Variants in PTPRD observed in about 807,000 individuals in gnomAD.
PTPRD encodes the protein protein tyrosine phosphatase receptor type D.
PTPRD carries 34 observed loss-of-function variants against 214.5 expected under a neutral mutation model. The observed-to-expected ratio is 0.16, with a 90% CI of 0.12 to 0.21. The LOEUF is 0.21. Among genes scored for constraint, PTPRD ranks in the 10% least tolerant of loss-of-function variants. The pLI, the probability that PTPRD is intolerant of heterozygous loss-of-function variation, is 1.00. For synonymous variants in PTPRD, 1,128 were observed against 845.7 expected (o/e 1.33, Z -5.79); for missense variants, 2,545 against 2,398.7 (o/e 1.06, Z -1.27).
intron 7 of PTPRD, among the ~76,000 whole-genome samples, chr9:9,649,229 C>T (rs915487687): frequency 6.6e-6 from 1 of 152,194 alleles, no homozygotes; most frequent in Non-Finnish European, 1.5e-5. Flanking sequence ...GCAGAATAAA[C>T]TGAAAATTCC....
intron 9 of PTPRD, among the ~76,000 whole-genome samples, chr9:9,371,455 A>T (rs974344954): frequency 1.8e-4 from 28 of 151,718 alleles, no homozygotes; most frequent in African/African-American, 6.3e-4. Flanking sequence ...GATCGGTGGT[A>T]ATATCCCCTT....
At chr9:10,379,282 T>G (rs946279367) in intron 2 of PTPRD, among the ~76,000 whole-genome samples, 2 of 151,676 alleles carry the variant, frequency 1.3e-5, no homozygotes, top group Admixed American at 1.3e-4. Flanking sequence ...ATTAGGTTTT[T>G]CCAAATATAA....
intron 5 of PTPRD, among the ~76,000 whole-genome samples, chr9:9,933,860 G>C (rs1032214790): frequency 6.7e-6 from 1 of 149,230 alleles, no homozygotes; most frequent in Non-Finnish European, 1.5e-5. Context: ...TAAAAGAACA[G>C]AAATTATAAC....
chr9:10,172,520 T>C (rs1391357450), intron 3 of PTPRD, among the ~76,000 whole-genome samples: 1 of 152,220 alleles, frequency 6.6e-6, no homozygotes, highest in Non-Finnish European at 1.5e-5. Flanking sequence ...TTTCTATCCA[T>C]AATTCTCCAT....
At chr9:10,145,076 C>T (rs2099013187) in intron 3 of PTPRD, among the ~76,000 whole-genome samples, 2 of 151,884 alleles carry the variant, frequency 1.3e-5, no homozygotes, top group African/African-American at 2.4e-5. Flanking sequence ...TATTCAGTAT[C>T]CCCCCACGAA....
At position 8,706,057 on chromosome 9, in the gene PTPRD, T is replaced by C. The variant is rs2098200194; in HGVS notation, c.64+27723A>G. Among the ~76,000 whole-genome samples the C allele has an allele frequency of 2.6e-5, 4 of 152,088 alleles. No individual in the cohort carries two copies. The South Asian group carries it at 8.3e-4, about 32-fold the overall frequency. Reference sequence around the variant, plus strand: ...CGACCAGAAAAGTACAGGACTCAAATTCTCCCAAAGAACTGCCAGACTCAC... The same window carrying C: ...CGACCAGAAAAGTACAGGACTCAAACTCTCCCAAAGAACTGCCAGACTCAC... On this transcript the variant is annotated intron_variant, in intron 12 of 45. Transcript: ENST00000381196.
At chr9:9,142,306 T>G (rs2099861876) in intron 10 of PTPRD, among the ~76,000 whole-genome samples, 1 of 152,288 alleles carries the variant, frequency 6.6e-6, no homozygotes, top group South Asian at 2.1e-4. Flanking sequence ...ATGACTGGCA[T>G]AAGGGACAGG....
intron 11 of PTPRD, among the ~76,000 whole-genome samples, chr9:8,810,080 C>T (rs369508076): frequency 4.0e-4 from 61 of 152,204 alleles, no homozygotes; most frequent in African/African-American, 1.4e-3. Flanking sequence ...CCCACTGCCA[C>T]ACACTGGACG....
At chr9:8,940,275 C>T (rs1449840304) in intron 11 of PTPRD, among the ~76,000 whole-genome samples, 11 of 27,976 alleles carry the variant, frequency 3.9e-4, no homozygotes, top group Non-Finnish European at 7.1e-4. Context: ...CTCTCTCTCT[C>T]TCTCCTTTTT....
chr9:8,942,189 C>T (rs1365139892), intron 11 of PTPRD, among the ~76,000 whole-genome samples: 1 of 152,120 alleles, frequency 6.6e-6, no homozygotes, highest in African/African-American at 2.4e-5. Context: ...TTACCCATTG[C>T]CAGCAACTAT....
intron 8 of PTPRD, among the ~76,000 whole-genome samples, chr9:9,410,788 A>G (rs973197611): frequency 1.2e-4 from 18 of 152,192 alleles, no homozygotes; most frequent in Non-Finnish European, 2.5e-4. Context: ...TATTAAAACT[A>G]TTATTGCCAC....
In PTPRD at chr9:8,353,928, G is replaced by GTATA. The variant is rs1564202231; in HGVS notation, c.4662-11951_4662-11950insTATA. ...TATATGTGTATATATGTATATATAT[G>GTATA]TGTGTGTACATATATATATATATAT... On this transcript the variant is annotated intron_variant, in intron 39 of 45. Transcript: ENST00000381196. 1.3e-3 allele frequency among the ~76,000 whole-genome samples: 133 copies of GTATA among 105,868 alleles called. 11 individuals are homozygous for GTATA. The highest frequency in any genetic ancestry group is 6.0e-3 in the African/African-American group (122 of 20,374). The allele number at this position is 105,868 out of a possible 152,430, so 69.5% of individuals were successfully genotyped here.
At chr9:9,674,017 G>C (rs2096881895) in intron 7 of PTPRD, among the ~76,000 whole-genome samples, 1 of 151,810 alleles carries the variant, frequency 6.6e-6, no homozygotes, top group Non-Finnish European at 1.5e-5. Flanking sequence ...CCCAGATCTT[G>C]TTGGAGTAAC....
intron 11 of PTPRD, among the ~76,000 whole-genome samples, chr9:8,983,295 A>G (rs2099322973): frequency 6.6e-6 from 1 of 152,034 alleles, no homozygotes; most frequent in Non-Finnish European, 1.5e-5. Context: ...AAAATGCTTC[A>G]CTAGAAATTA....
rs536565328 is a variant in PTPRD at position 10,066,225 on chromosome 9, A to G, written c.-544-32435T>C. Among the ~76,000 whole-genome samples the G allele has an allele frequency of 2.6e-5, 4 of 152,006 alleles. No homozygotes were observed. In the East Asian group the frequency reaches 7.8e-4, roughly 30 times the overall value. On this transcript the variant is annotated intron_variant, in intron 3 of 45. Transcript: ENST00000381196. ...TTATGTTTATTGTTATGAATAAACAATAAACAAGTTTATCATTACCAATAA... is the reference window on the plus strand; with the variant it reads ...TTATGTTTATTGTTATGAATAAACAGTAAACAAGTTTATCATTACCAATAA...
chr9:9,486,199 G>C (rs900936461), intron 8 of PTPRD, among the ~76,000 whole-genome samples: 1 of 111,392 alleles, frequency 9.0e-6, no homozygotes, highest in African/African-American at 3.5e-5. Context: ...TTCCCTTGAA[G>C]TCACTATGTG....
intron 19 of PTPRD, 51 bp downstream of exon 19, chr9:8,523,462 G>T (rs768121314): frequency 1.6e-5 from 25 of 1,586,098 alleles, no homozygotes; most frequent in Non-Finnish European, 1.9e-5. Flanking sequence ...CTTTGTTATT[G>T]GTTTAATTAA....
At chr9:9,059,428 ATAG>A (rs2099703183) in intron 10 of PTPRD, among the ~76,000 whole-genome samples, 1 of 152,224 alleles carries the variant, frequency 6.6e-6, no homozygotes, top group Non-Finnish European at 1.5e-5. Context: ...GGTTAAGGAT[ATAG>A]ACAAAGAATA....
intron 10 of PTPRD, among the ~76,000 whole-genome samples, chr9:9,165,204 G>A (rs528350355): frequency 2.7e-4 from 41 of 152,180 alleles, no homozygotes; most frequent in Non-Finnish European, 5.3e-4. Flanking sequence ...TGAATCCATA[G>A]TCTAATAATG....
Sources: allele counts gnomAD v4.1 joint callset (sites outside exome capture counted in the v4.1 genomes callset), GRCh38; gene constraint gnomAD v4.1.1; transcripts MANE v1.5; gene names NCBI Gene and HGNC (gene_info 2026-07-23, HGNC 2026-07-21).